Variants in ZSCAN21 observed in about 807,000 individuals in gnomAD.
ZSCAN21 encodes zinc finger and SCAN domain containing 21.
A neutral mutation model predicts 35.6 loss-of-function variants in ZSCAN21; 26 were observed. That is an observed-to-expected ratio of 0.73 (90% confidence interval 0.54 to 1.01). The LOEUF is 1.01. ZSCAN21 is among the 50% of genes least tolerant of loss of function. ZSCAN21 has a pLI of 0.00. For synonymous variants in ZSCAN21, 219 were observed against 219.3 expected (o/e 1.00, Z 0.01); for missense variants, 593 against 587.1 (o/e 1.01, Z -0.10).
chr7:100,063,920 T>C lies in ZSCAN21; in HGVS notation c.725T>C (p.Val242Ala), dbSNP rs201417977. 2 of 1,614,072 alleles carry C rather than the reference T, an allele frequency of 1.2e-6. No individual in the cohort carries two copies. Among genetic ancestry groups the C allele is most frequent in the East Asian group, 4.5e-5 (2 of 44,878 alleles). ...KPEASLERQC[V>A]NLENEKGTKP... Reference sequence around the variant, plus strand: ...GAGGCCAGCTTAGAGAGGCAGTGCGTAAACCTTGAAAATGAAAAAGGAACA... The same window carrying C: ...GAGGCCAGCTTAGAGAGGCAGTGCGCAAACCTTGAAAATGAAAAAGGAACA... Residue 242 changes from valine (V) to alanine (A), a missense_variant, in exon 4 of 4, where the codon GTA (valine) becomes GCA (alanine). Transcript: ENST00000292450.
intron 3 of ZSCAN21, among the ~76,000 whole-genome samples, chr7:100,062,313 G>A (rs1269675605): frequency 3.4e-5 from 5 of 147,862 alleles, no homozygotes; most frequent in Admixed American, 6.8e-5. Context: ...TTAAAGGGCC[G>A]GGTGTGGTGG....
Position 100,056,895 on chromosome 7 carries a change from A to G in ZSCAN21, c.-96-16A>G. On this transcript the variant is annotated splice_polypyrimidine_tract_variant and intron_variant, in intron 1 of 3. Transcript: ENST00000292450. Reference sequence around the variant, plus strand: ...CTTTTCAGTTTGATTATTTTTTGGTAACTATATTTTCTTAGGTTTAACTTG... The same window carrying G: ...CTTTTCAGTTTGATTATTTTTTGGTGACTATATTTTCTTAGGTTTAACTTG... The G allele has an allele frequency of 8.9e-7, 1 of 1,125,184 alleles. No individual in the cohort carries two copies. Among genetic ancestry groups the G allele is most frequent in the Non-Finnish European group, 1.2e-6 (1 of 808,956 alleles). The allele number at this position is 1,125,184 out of a possible 1,614,324, so 69.7% of individuals were successfully genotyped here.
intron 1 of ZSCAN21, among the ~76,000 whole-genome samples, chr7:100,055,994 G>T (rs1182419614): frequency 6.7e-6 from 1 of 150,144 alleles, no homozygotes; most frequent in Admixed American, 6.7e-5. Flanking sequence ...AGGCTGGAGT[G>T]CAGTGGCACA....
At chr7:100,056,643 T>C (rs375677901) in intron 1 of ZSCAN21, among the ~76,000 whole-genome samples, 65 of 152,186 alleles carry the variant, frequency 4.3e-4, no homozygotes, top group African/African-American at 1.4e-3. Context: ...TTTGTATTTT[T>C]AGTAGAGACA....
At chr7:100,050,918 C>T (rs187420047) in intron 1 of ZSCAN21, among the ~76,000 whole-genome samples, 160 of 151,800 alleles carry the variant, frequency 1.1e-3, no homozygotes, top group Non-Finnish European at 2.0e-3. Context: ...TGTGGCCGGG[C>T]GCGGTGGCTC....
In ZSCAN21 at chr7:100,057,879, G is replaced by C. The variant is rs762800876; in HGVS notation, c.581G>C (p.Arg194Thr). 1.1e-5 allele frequency: 18 copies of C among 1,608,110 alleles called. No individual in the cohort carries two copies. In the Admixed American group the frequency reaches 3.0e-4, roughly 27 times the overall value. Residue 194 changes from arginine (R) to threonine (T), a missense_variant, in exon 3 of 4, where the codon AGA becomes ACA. By Grantham distance (71) the Arg-to-Thr change is moderately conservative. Transcript: ENST00000292450. ...GEEQEFAQDP[R>T]KVRDCRLSTQ... ...GAGCAGGAGTTCGCTCAAGATCCAA[G>C]AAAGGTCCGAGGTGAGGACCACCCA... is the stretch of plus-strand genomic sequence containing the variant.
rs368261757 is a variant in ZSCAN21, at chr7:100,064,910, A to T, written c.*293A>T. ...TGCGTAGTTAAACAGACGTGTATCC[A>T]GTCTAGTTAAGGAAGAAACATTAAG... On this transcript the variant is annotated 3_prime_UTR_variant, in exon 4 of 4. Coordinates refer to ENST00000292450, the MANE Select transcript of ZSCAN21 (RefSeq NM_145914.3). 375 of 1,613,404 alleles carry T rather than the reference A, an allele frequency of 2.3e-4. No individual in the cohort carries two copies. The highest frequency in any genetic ancestry group is 8.2e-4 in the Middle Eastern group (5 of 6,062).
At chr7:100,061,928 G>T (rs1164143151) in intron 3 of ZSCAN21, among the ~76,000 whole-genome samples, 1 of 152,184 alleles carries the variant, frequency 6.6e-6, no homozygotes, top group Admixed American at 6.5e-5. Flanking sequence ...CTTTGAAGAG[G>T]TGTGACTGCC....
chr7:100,060,804 A>C (rs1210331132), intron 3 of ZSCAN21, among the ~76,000 whole-genome samples: 1 of 146,314 alleles, frequency 6.8e-6, no homozygotes, highest in Non-Finnish European at 1.5e-5. Context: ...AGGTTGCAGT[A>C]AGTCAAGATC....
intron 3 of ZSCAN21, among the ~76,000 whole-genome samples, chr7:100,062,828 G>A (rs1342822728): frequency 1.3e-5 from 2 of 151,292 alleles, no homozygotes; most frequent in African/African-American, 4.9e-5. Context: ...GAGCCAAGAT[G>A]ATACCACTGC....
intron 1 of ZSCAN21, among the ~76,000 whole-genome samples, chr7:100,053,016 C>T (rs1791941128): frequency 6.6e-6 from 1 of 151,690 alleles, no homozygotes; most frequent in Admixed American, 6.6e-5. Flanking sequence ...ATCCCACCTA[C>T]TCAGGAGGCT....
At chr7:100,051,282 C>CTTTTTCTTTTTTTTTTTTTT (rs1791864100) in intron 1 of ZSCAN21, among the ~76,000 whole-genome samples, 1 of 34,948 alleles carries the variant, frequency 2.9e-5, no homozygotes, top group Non-Finnish European at 5.2e-5. Flanking sequence ...TAGGGATTTT[C>CTTTTTCTTTTTTTTTTTTTT]TTTTTTTTTT....
At position 100,057,888 on chromosome 7, in the gene ZSCAN21, G is replaced by A. The variant is rs199847575; in HGVS notation, c.590G>A (p.Arg197Gln). 3.5e-5 allele frequency: 56 copies of A among 1,602,104 alleles called. No individual in the cohort carries two copies. Among genetic ancestry groups the A allele is most frequent in the East Asian group, 9.0e-5 (4 of 44,568 alleles). ...QEFAQDPRKV[R>Q]DCRLSTQHEE... ...TTCGCTCAAGATCCAAGAAAGGTCC[G>A]AGGTGAGGACCACCCATTAGACTCC... The change falls in exon 3 of 4, where the codon CGA becomes CAA. Residue 197 changes from arginine to glutamine, a missense_variant and splice_region_variant. Arg to Gln is a conservative substitution (Grantham distance 43). Transcript: ENST00000292450.
At chr7:100,062,952 CTGCAGTCTTGACCCAT>C (rs1215735769) in intron 3 of ZSCAN21, among the ~76,000 whole-genome samples, 1 of 152,242 alleles carries the variant, frequency 6.6e-6, no homozygotes, top group African/African-American at 2.4e-5. Context: ...TCATGGCTCA[CTGCAGTCTTGACCCAT>C]TGCAGCCTTG....
chr7:100,054,714 C>G (rs1273899379), intron 1 of ZSCAN21, among the ~76,000 whole-genome samples: 1 of 150,516 alleles, frequency 6.6e-6, no homozygotes, highest in Non-Finnish European at 1.5e-5. Flanking sequence ...TGGTGCGTGC[C>G]TGTAGTCCCA....
intron 1 of ZSCAN21, among the ~76,000 whole-genome samples, chr7:100,055,010 C>T (rs1562844317): frequency 6.8e-6 from 1 of 145,986 alleles, no homozygotes; most frequent in Non-Finnish European, 1.5e-5. Context: ...GGCTGGAGTG[C>T]AGTGGTGCAA....
intron 1 of ZSCAN21, among the ~76,000 whole-genome samples, chr7:100,053,108 G>A (rs984640890): frequency 4.0e-5 from 6 of 150,430 alleles, no homozygotes; most frequent in Admixed American, 6.6e-5. Context: ...CCTGGGCAAC[G>A]GAGTGAGACT....
At position 100,064,109 on chromosome 7, in the gene ZSCAN21, AC is replaced by A. The variant is rs752128446; in HGVS notation, c.915del (p.Tyr305Ter). 1.2e-5 allele frequency: 19 copies of A among 1,614,182 alleles called. No homozygotes were observed. In the East Asian group the frequency reaches 4.2e-4, roughly 36 times the overall value. ...HRRTHTGEKP[Y>X]VCTKCGKAFS... ...AGAACACACACTGGGGAGAAACCTT[AC>A]GTGTGCACCAAGTGTGGGAAAGCTT... On this transcript the variant is annotated frameshift_variant, in exon 4 of 4. Transcript: ENST00000292450. LOFTEE classifies it high-confidence loss of function.
Position 100,057,345 on chromosome 7 carries a change from T to C in ZSCAN21, c.339T>C (p.Ala113=). ...AWVQEHCPES[A]EEAVTLLEDL... ...TGCAGGAGCATTGCCCGGAGAGCGC[T>C]GAAGAGGCTGTCACTCTCCTCGAAG... The change falls in exon 2 of 4, where the codon GCT becomes GCC. Residue 113 remains alanine, a synonymous_variant. Transcript: ENST00000292450. 6.3e-7 allele frequency: 1 copy of C among 1,597,944 alleles called. No homozygotes were observed. Among genetic ancestry groups the C allele is most frequent in the Non-Finnish European group, 8.5e-7 (1 of 1,173,014 alleles).
Sources: allele counts gnomAD v4.1 joint callset (sites outside exome capture counted in the v4.1 genomes callset), GRCh38; gene constraint gnomAD v4.1.1; transcripts MANE v1.5; gene names NCBI Gene and HGNC (gene_info 2026-07-23, HGNC 2026-07-21).